The following POLR3A variants were observed in gnomAD, a reference collection of about 807,000 sequenced individuals.
POLR3A encodes the protein RNA polymerase III subunit A, also known as DNA-directed RNA polymerase III subunit RPC1.
POLR3A carries 112 observed loss-of-function variants against 152.8 expected under a neutral mutation model. The observed-to-expected ratio is 0.73, with a 90% CI of 0.63 to 0.86. The LOEUF is 0.86. Ranked by LOEUF, POLR3A falls within the 40% of genes least tolerant of loss-of-function variation. The pLI is 0.00. For missense variants in POLR3A, 1,385 were observed against 1,743.1 expected, an observed-to-expected ratio of 0.79 and a Z score of 3.66; for synonymous variants, 615 against 652.1, an observed-to-expected ratio of 0.94 and a Z score of 0.87.
At chr10:78,010,116 A>C in intron 12 of POLR3A, 125 bp from the exon 13 acceptor site, 1 of 1,262,106 alleles carries the variant, frequency 7.9e-7, no homozygotes, top group Non-Finnish European at 1.1e-6. Context: ...ACAGCTGCTT[A>C]CTGGCTTTCT....
intron 5 of POLR3A, among the ~76,000 whole-genome samples, chr10:78,023,665 C>A (rs1245742282): frequency 6.6e-6 from 1 of 151,146 alleles, no homozygotes; most frequent in African/African-American, 2.4e-5. Context: ...GTAGTCCCAG[C>A]TACTTGGGAG....
At chr10:78,017,838 T>A in intron 9 of POLR3A, 122 bp from the exon 10 acceptor site, 1 of 1,118,954 alleles carries the variant, frequency 8.9e-7, no homozygotes, top group Non-Finnish European at 1.3e-6. Flanking sequence ...GCCTCCATTT[T>A]AATGTCATAT....
chr10:78,015,559 C>T lies in POLR3A; in HGVS notation c.1432-1769G>A, dbSNP rs112123412. Among the ~76,000 whole-genome samples the T allele has an allele frequency of 2.1e-3, 313 of 152,178 alleles. 1 individual carries two copies. The highest frequency in any genetic ancestry group is 7.1e-3 in the African/African-American group (296 of 41,532). On this transcript the variant is annotated intron_variant, in intron 10 of 30. Transcript: ENST00000372371. Reference sequence around the variant, plus strand: ...TCCAGGCTGGTCTCGAACTCCTGACCTCAAGTGATACACCTTGGCCTCCCA... The same window carrying T: ...TCCAGGCTGGTCTCGAACTCCTGACTTCAAGTGATACACCTTGGCCTCCCA...
At position 78,023,199 on chromosome 10, in the gene POLR3A, G is replaced by A. The variant is rs1460969412; in HGVS notation, c.646-815C>T. 3.3e-5 allele frequency among the ~76,000 whole-genome samples: 5 copies of A among 151,520 alleles called. No homozygotes were observed. The South Asian group carries it at 1.0e-3, about 32-fold the overall frequency. On this transcript the variant is annotated intron_variant, in intron 5 of 30. Coordinates refer to ENST00000372371, the MANE Select transcript of POLR3A (RefSeq NM_007055.4). ...TTACTGGCTGGGCATGGTGGCTCAT[G>A]TCTATAATCCCAGCACTTAGAGGGG...
chr10:78,017,799 T>C (rs1589316483), intron 9 of POLR3A, 83 bp from the exon 10 acceptor site: 1 of 1,405,068 alleles, frequency 7.1e-7, no homozygotes, highest in East Asian at 2.3e-5. Flanking sequence ...GATTCAATCT[T>C]TAATATATTA....
chr10:77,982,064 A>AAAAAAAAAAAAAG (rs1847150843), intron 28 of POLR3A, 90 bp downstream of exon 28: 1 of 799,360 alleles, frequency 1.3e-6, no homozygotes, highest in Non-Finnish European at 1.9e-6. Flanking sequence ...AAAAAAAAAA[A>AAAAAAAAAAAAAG]AAGAAGTATA....
intron 9 of POLR3A, 74 bp downstream of exon 9, chr10:78,019,088 T>C: frequency 9.8e-7 from 1 of 1,023,956 alleles, no homozygotes; most frequent in East Asian, 2.4e-5. Flanking sequence ...GATTGCATTC[T>C]GTGGCTGAGT....
intron 11 of POLR3A, among the ~76,000 whole-genome samples, chr10:78,012,560 A>G (rs1397778036): frequency 1.3e-5 from 2 of 152,094 alleles, no homozygotes; most frequent in African/African-American, 4.8e-5. Context: ...AGTTCCTAAT[A>G]TAGGAAGCTG....
In POLR3A at chr10:78,025,720, T is replaced by C. The variant is rs781395386; in HGVS notation, c.220A>G (p.Lys74Glu). 1.2e-6 allele frequency: 2 copies of C among 1,614,068 alleles called. No individual in the cohort carries two copies. Among genetic ancestry groups the C allele is most frequent in the Non-Finnish European group, 1.7e-6 (2 of 1,179,964 alleles). The change falls in exon 3 of 31, where the codon AAA becomes GAA. Residue 74 changes from lysine (K) to glutamate (E), a missense_variant. Lys to Glu is a moderately conservative substitution (Grantham distance 56, BLOSUM62 1). Coordinates refer to ENST00000372371, the MANE Select transcript of POLR3A (RefSeq NM_007055.4). The stretch of plus-strand genomic sequence containing the variant: ...TGGCCTAGACAGTCAGCCAAGTTTT[T>C]CCCACAGGTTTCACATGGACGATCC... ...EKDRPCETCG[K>E]NLADCLGHYG... is the part of the protein sequence containing the mutation.
Position 77,976,060 on chromosome 10 carries a change from G to GTAGA in POLR3A, c.*1414_*1417dup, listed in dbSNP as rs1226636735. On this transcript the variant is annotated 3_prime_UTR_variant, in exon 31 of 31. Transcript: ENST00000372371. Reference sequence around the variant, plus strand: ...CAAGAGAAGTTAATAGGTCTACCTTGTAGATGCAGGGAAATCAAAAGGTCA... The same window carrying GTAGA: ...CAAGAGAAGTTAATAGGTCTACCTTGTAGATAGATGCAGGGAAATCAAAAGGTCA... 1 of 151,960 alleles carries GTAGA rather than the reference G, an allele frequency of 6.6e-6. No homozygotes were observed. The highest frequency in any genetic ancestry group is 1.5e-5 in the Non-Finnish European group (1 of 68,010). The allele number at this position is 151,960 out of a possible 1,614,324, so 9.4% of individuals were successfully genotyped here.
At chr10:78,014,424 C>T (rs959779863) in intron 10 of POLR3A, among the ~76,000 whole-genome samples, 3 of 152,052 alleles carry the variant, frequency 2.0e-5, no homozygotes, top group African/African-American at 7.2e-5. Context: ...GCACTAACCC[C>T]CTTTTTTTTT....
intron 16 of POLR3A, among the ~76,000 whole-genome samples, chr10:78,002,946 T>G (rs145208508): frequency 2.0e-5 from 3 of 152,330 alleles, no homozygotes; most frequent in African/African-American, 4.8e-5. Context: ...GACACACACA[T>G]GCACCCCATA....
chr10:77,977,615 A>T lies in POLR3A; in HGVS notation c.4036T>A (p.Cys1346Ser), dbSNP rs149956037. 7.1e-5 allele frequency: 115 copies of T among 1,613,714 alleles called. No homozygotes were observed. Among genetic ancestry groups the T allele is most frequent in the Admixed American group, 2.2e-4 (13 of 60,016 alleles). Residue 1346 changes from cysteine to serine, a missense_variant, in exon 31 of 31, where the codon TGC (cysteine) becomes AGC (serine). By Grantham distance (112) the Cys-to-Ser change is moderately radical. Around this residue, in one of 7 missense-constraint regions of POLR3A, gnomAD observed 332 missense variants for 400.1 expected, o/e 0.83. Transcript: ENST00000372371. ...QKDSVCGVSE[C>S]IIMGIPMNIG... is the part of the protein sequence containing the mutation. ...TTCATTGGGATTCCCATGATGATGC[A>T]CTCAGACACCCCTGAAACCAACCAG...
In POLR3A at chr10:78,022,272, G is replaced by A. The variant is rs1444335027; in HGVS notation, c.758C>T (p.Thr253Ile). The A allele has an allele frequency of 6.2e-7, 1 of 1,614,120 alleles. No individual in the cohort carries two copies. The change falls in exon 6 of 31, where the codon ACA becomes ATA. Residue 253 changes from threonine (T) to isoleucine (I), a missense_variant. Transcript: ENST00000372371. Reference protein sequence around the residue: ...EAGKPSDLILTRLLVPPLCIR... With the variant: ...EAGKPSDLILIRLLVPPLCIR... ...ACACAAAGGAGGCACCAAAAGTCGT[G>A]TGAGAATCAAATCAGACGGCTTTCC...
At chr10:78,012,629 G>A (rs566645362) in intron 11 of POLR3A, among the ~76,000 whole-genome samples, 19 of 152,024 alleles carry the variant, frequency 1.2e-4, no homozygotes, top group Admixed American at 5.9e-4. Context: ...GGATCATGAA[G>A]TTCAGGAGGA....
At chr10:78,010,427 G>C (rs767939081) in intron 12 of POLR3A, 44 bp downstream of exon 12, 1 of 1,346,640 alleles carries the variant, frequency 7.4e-7, no homozygotes, top group South Asian at 1.2e-5. Flanking sequence ...GGAACACTGT[G>C]TTCCAGTCAG....
At chr10:78,024,799 T>C in intron 4 of POLR3A, 96 bp from the exon 5 acceptor site, 9 of 1,347,788 alleles carry the variant, frequency 6.7e-6, no homozygotes, top group South Asian at 1.2e-5. Flanking sequence ...GAAACTACTA[T>C]AGCAATGAAA....
intron 15 of POLR3A, among the ~76,000 whole-genome samples, chr10:78,005,923 C>G (rs546784472): frequency 1.3e-5 from 2 of 152,152 alleles, no homozygotes; most frequent in African/African-American, 4.8e-5. Flanking sequence ...CCTTACTCCT[C>G]AAGGACCACC....
chr10:78,027,579 C>A (rs1779923410), intron 1 of POLR3A, among the ~76,000 whole-genome samples: 1 of 151,840 alleles, frequency 6.6e-6, no homozygotes, highest in African/African-American at 2.4e-5. Flanking sequence ...GAGACAGAGT[C>A]TTGCTCTGTC....
Sources: allele counts gnomAD v4.1 joint callset (sites outside exome capture counted in the v4.1 genomes callset), GRCh38; gene constraint gnomAD v4.1.1; regional missense constraint gnomAD v4.1.1; transcripts MANE v1.5; gene names NCBI Gene and HGNC (gene_info 2026-07-23, HGNC 2026-07-21).